HERC2: variants seen among roughly 807,000 people sequenced by gnomAD.
The protein encoded by HERC2 is E3 ubiquitin-protein ligase HERC2.
A neutral mutation model predicts 537.7 loss-of-function variants in HERC2; 102 were observed. That is an observed-to-expected ratio of 0.19 (90% confidence interval 0.16 to 0.22). HERC2 has a LOEUF of 0.22. Ranked by LOEUF, HERC2 falls within the 10% of genes least tolerant of loss-of-function variation. The probability of loss-of-function intolerance (pLI) is 1.00; values close to 1 mark genes in which losing one functional copy is unlikely to be tolerated. For missense variants in HERC2, 4,236 were observed against 6,198.2 expected (o/e 0.68, Z 10.63); for synonymous variants, 2,224 against 2,466.2 (o/e 0.90, Z 2.91).
intron 69 of HERC2, among the ~76,000 whole-genome samples, chr15:28,158,868 T>G (rs1233024878): frequency 6.6e-6 from 1 of 151,578 alleles, no homozygotes; most frequent in African/African-American, 2.4e-5. Context: ...TTTGCAGTGG[T>G]TGGTACCGGT....
chr15:28,198,706 C>T lies in HERC2; in HGVS notation c.7780G>A (p.Val2594Ile), dbSNP rs374641673. 3.1e-6 allele frequency: 5 copies of T among 1,614,168 alleles called. No homozygotes were observed. Among genetic ancestry groups the T allele is most frequent in the Non-Finnish European group, 4.2e-6 (5 of 1,180,034 alleles). The change falls in exon 49 of 93, where the codon GTC becomes ATC. Residue 2594 changes from valine (V) to isoleucine (I), a missense_variant. Physicochemically the swap from Val to Ile is conservative, Grantham distance 29. Transcript: ENST00000261609. The part of the protein sequence containing the change: ...EEVCEGDVGK[V>I]IKLDRDGLHD... The stretch of plus-strand genomic sequence containing the variant: ...AATCCATCTCTGTCCAGCTTGATGA[C>T]TTTGCCAACATCACCTTCGCACACT...
Position 28,314,817 on chromosome 15 carries a change from C to T in HERC2, c.72+6545G>A, listed in dbSNP as rs542342373. 1.7e-4 allele frequency among the ~76,000 whole-genome samples: 25 copies of T among 151,250 alleles called. No individual in the cohort carries two copies. The East Asian group carries it at 1.9e-3, about 12-fold the overall frequency. ...TGGAGGTTGCAGTGAGCCAAGATCG[C>T]GCCACTGCACTCCAGCCTGGGCAAC... On this transcript the variant is annotated intron_variant, in intron 2 of 92. Transcript: ENST00000261609.
intron 26 of HERC2, 56 bp downstream of exon 26, chr15:28,236,907 A>G: frequency 6.4e-7 from 1 of 1,557,354 alleles, no homozygotes. Flanking sequence ...TCTTAATGGC[A>G]CTTACAGTTC....
At position 28,314,291 on chromosome 15, in the gene HERC2, A is replaced by G. The variant is rs141080770; in HGVS notation, c.72+7071T>C. On this transcript the variant is annotated intron_variant, in intron 2 of 92. Coordinates refer to ENST00000261609, the MANE Select transcript of HERC2 (RefSeq NM_004667.6). ...AAACAGAAATATAAAGACTTCTATC[A>G]TGAAAGAAGAGCCTGAGGAATGAAC... 7.5e-4 allele frequency among the ~76,000 whole-genome samples: 114 copies of G among 152,304 alleles called. No homozygotes were observed. In the East Asian group the frequency reaches 0.016, roughly 21 times the overall value.
intron 20 of HERC2, among the ~76,000 whole-genome samples, chr15:28,250,176 T>C (rs1274941726): frequency 6.6e-6 from 1 of 151,530 alleles, no homozygotes; most frequent in Admixed American, 6.6e-5. Flanking sequence ...TCAATCCCAC[T>C]TGCCCCCGTG....
At chr15:28,163,015 A>T (rs1893771642) in intron 69 of HERC2, 79 bp downstream of exon 69, 5 of 1,198,900 alleles carry the variant, frequency 4.2e-6, no homozygotes, top group Non-Finnish European at 5.9e-6. Flanking sequence ...GGTGATCCAT[A>T]GCAGCTCTCC....
chr15:28,268,545 G>A lies in HERC2; in HGVS notation c.1518C>T (p.His506=), dbSNP rs756419663. 3 of 1,614,038 alleles carry A rather than the reference G, an allele frequency of 1.9e-6. No individual in the cohort carries two copies. The highest frequency in any genetic ancestry group is 2.7e-5 in the African/African-American group (2 of 74,952). Residue 506 remains histidine, a synonymous_variant, in exon 12 of 93, where the codon CAC becomes CAT. Transcript: ENST00000261609. This position sits in a 1 kb window ranked among gnomAD's most constrained non-coding sequence, Gnocchi z 4.7. ...CTCCAGTAGCAGCCAAGGCTAGGTAGTGGTGACCATCAGAATGGGCAGCAA... is the reference window on the plus strand; with the variant it reads ...CTCCAGTAGCAGCCAAGGCTAGGTAATGGTGACCATCAGAATGGGCAGCAA... ...VKIAAHSDGH[H]YLALAATGEV...
At chr15:28,195,839 T>C (rs1438293023) in intron 52 of HERC2, among the ~76,000 whole-genome samples, 1 of 152,198 alleles carries the variant, frequency 6.6e-6, no homozygotes, top group Admixed American at 6.5e-5. Flanking sequence ...TAATTTTAAG[T>C]TATATATATT....
intron 4 of HERC2, among the ~76,000 whole-genome samples, chr15:28,288,629 TAA>T (rs2076226057): frequency 6.7e-6 from 1 of 150,238 alleles, no homozygotes; most frequent in Admixed American, 6.6e-5. Context: ...GTGGATCACC[TAA>T]GGTCAGGAGT....
chr15:28,120,618 A>G (rs1477137312), intron 86 of HERC2, among the ~76,000 whole-genome samples: 1 of 152,228 alleles, frequency 6.6e-6, no homozygotes, highest in Non-Finnish European at 1.5e-5. Flanking sequence ...ACTACCCATG[A>G]GACAGTATTA....
intron 86 of HERC2, among the ~76,000 whole-genome samples, chr15:28,120,050 C>T (rs554172676): frequency 2.1e-4 from 32 of 152,138 alleles, no homozygotes; most frequent in Non-Finnish European, 3.1e-4. Context: ...TGCACTCAAT[C>T]GCGGGGGTTA....
Position 28,218,803 on chromosome 15 carries a change from T to C in HERC2, c.5846-132A>G, listed in dbSNP as rs926821248. 4 of 794,668 alleles carry C rather than the reference T, an allele frequency of 5.0e-6. No homozygotes were observed. The African/African-American group carries it at 6.9e-5, about 14-fold the overall frequency. The allele number at this position is 794,668 out of a possible 1,614,324, so 49.2% of individuals were successfully genotyped here. A position where few individuals can be genotyped will look rare whatever the true frequency, so the allele number is the denominator to read the frequency against. ...CTTGAATTTTAGTGCAGTTTTAGGTTCACGCAAAATTGAAAGTACAGAGAT... is the reference window on the plus strand; with the variant it reads ...CTTGAATTTTAGTGCAGTTTTAGGTCCACGCAAAATTGAAAGTACAGAGAT... On this transcript the variant is annotated intron_variant, in intron 37 of 92. Coordinates refer to ENST00000261609, the MANE Select transcript of HERC2 (RefSeq NM_004667.6).
chr15:28,211,491 A>C (rs1215195046), intron 43 of HERC2, among the ~76,000 whole-genome samples: 1 of 152,152 alleles, frequency 6.6e-6, no homozygotes, highest in East Asian at 1.9e-4. Flanking sequence ...CTCTTCTTCT[A>C]AGACTCCTCT....
intron 38 of HERC2, 58 bp from the exon 39 acceptor site, chr15:28,215,860 G>A: frequency 1.9e-6 from 2 of 1,033,536 alleles, no homozygotes; most frequent in Non-Finnish European, 2.9e-6. Flanking sequence ...AATCCCTAAA[G>A]ATATATCCTT....
In HERC2 at chr15:28,169,990, C is replaced by CA. The variant is rs1296852892; in HGVS notation, c.10058-336dup. On this transcript the variant is annotated intron_variant, in intron 65 of 92. Transcript: ENST00000261609. ...ATTTTCTTACCCCGGTAAGACAAGA[C>CA]AAAAAAGAATACAAAACAACAAAGA... Among the ~76,000 whole-genome samples the CA allele has an allele frequency of 3.3e-5, 5 of 152,172 alleles. No homozygotes were observed. The South Asian group carries it at 8.3e-4, about 25-fold the overall frequency.
chr15:28,189,926 G>A (rs1896668850), intron 55 of HERC2, among the ~76,000 whole-genome samples: 1 of 151,802 alleles, frequency 6.6e-6, no homozygotes, highest in South Asian at 2.1e-4. Context: ...TCAACTATTT[G>A]ATATTTTTAT....
At chr15:28,223,567 T>C (rs976797055) in intron 35 of HERC2, among the ~76,000 whole-genome samples, 1 of 152,070 alleles carries the variant, frequency 6.6e-6, no homozygotes, top group Non-Finnish European at 1.5e-5. Flanking sequence ...TCTAGGTGGA[T>C]CTCCCAGGAT....
rs781616932 is a variant in HERC2, at chr15:28,117,295, C to T, written c.13273-141G>A. 3.5e-5 allele frequency: 31 copies of T among 877,672 alleles called. No homozygotes were observed. In the Middle Eastern group the frequency reaches 2.1e-3, roughly 59 times the overall value. The allele number at this position is 877,672 out of a possible 1,614,324, so 54.4% of individuals were successfully genotyped here. A position where few individuals can be genotyped will look rare whatever the true frequency, so the allele number is the denominator to read the frequency against. ...CTGGTCACACACCTGCTTGTGTGGA[C>T]GCCAGGCAGACCCTGCCGTCTGGGG... On this transcript the variant is annotated intron_variant, in intron 86 of 92. Transcript: ENST00000261609.
intron 90 of HERC2, among the ~76,000 whole-genome samples, chr15:28,114,301 GAC>G (rs1887984703): frequency 1.3e-5 from 2 of 152,234 alleles, no homozygotes; most frequent in Admixed American, 1.3e-4. Flanking sequence ...GACAGCCCCA[GAC>G]ACAGCCCTGT....
Sources: gnomAD v4.1 joint callset for allele counts (sites outside exome capture counted in the v4.1 genomes callset) on GRCh38, gnomAD v4.1.1 for gene constraint, Gnocchi (gnomAD v3.1) non-coding constraint, MANE v1.5 for transcripts, NCBI Gene and HGNC (gene_info 2026-07-23, HGNC 2026-07-21) for gene names.